Variants in SNX7 observed in about 807,000 individuals in gnomAD.
SNX7 encodes sorting nexin-7.
Under a neutral mutation model 48.4 loss-of-function variants are expected in SNX7, and 35 were observed. The observed-to-expected ratio is 0.72, with a 90% CI of 0.55 to 0.96. The LOEUF is 0.96. Among genes scored for constraint, SNX7 ranks in the 40% least tolerant of loss-of-function variants. The pLI is 0.00. For missense variants in SNX7, 553 were observed against 548.9 expected, an observed-to-expected ratio of 1.01 and a Z score of -0.07; for synonymous variants, 190 against 190.2, an observed-to-expected ratio of 1.00 and a Z score of 0.01.
chr1:98,715,765 T>C (rs1364387554), intron 7 of SNX7, among the ~76,000 whole-genome samples: 3 of 152,156 alleles, frequency 2.0e-5, no homozygotes, highest in Admixed American at 2.0e-4. Flanking sequence ...GAATCAGTTA[T>C]TTCTCTAATG....
rs1000782065 is a variant in SNX7 at position 98,689,934 on chromosome 1, C to A, written c.364-1141C>A. ...GTTTCTTAGATTTCTGCATTTCATT[C>A]GCTCCCACTTTTTCCCATTATAAAG... On this transcript the variant is annotated intron_variant, in intron 2 of 8. Transcript: ENST00000306121. Among the ~76,000 whole-genome samples the A allele has an allele frequency of 2.0e-5, 3 of 152,160 alleles. No homozygotes were observed. The East Asian group carries it at 5.8e-4, about 29-fold the overall frequency.
chr1:98,708,195 G>A (rs1258590455), intron 7 of SNX7, among the ~76,000 whole-genome samples: 2 of 151,966 alleles, frequency 1.3e-5, no homozygotes, highest in Non-Finnish European at 2.9e-5. Flanking sequence ...CTATGTGTCT[G>A]TCTCTCATGC....
intron 7 of SNX7, among the ~76,000 whole-genome samples, chr1:98,707,901 C>T (rs1004626248): frequency 6.6e-6 from 1 of 152,156 alleles, no homozygotes; most frequent in African/African-American, 2.4e-5. Flanking sequence ...TGGTGTTTTA[C>T]TCTCATCCTT....
chr1:98,683,038 G>A (rs1185287023), intron 1 of SNX7, among the ~76,000 whole-genome samples: 1 of 152,054 alleles, frequency 6.6e-6, no homozygotes, highest in Non-Finnish European at 1.5e-5. Flanking sequence ...GGTTGGTGGT[G>A]TTGCTGTTCT....
rs1200994596 is a variant in SNX7 at position 98,685,925 on chromosome 1, G to A, written c.363+858G>A. Among the ~76,000 whole-genome samples the A allele has an allele frequency of 5.3e-5, 8 of 152,140 alleles. No individual in the cohort carries two copies. In the South Asian group the frequency reaches 1.4e-3, roughly 28 times the overall value. On this transcript the variant is annotated intron_variant, in intron 2 of 8. Transcript: ENST00000306121. ...GGCAGAGCAAAGTGCCGACTTTCTT[G>A]TATGACATATAAAGAGGCTTCTCAG... is the stretch of plus-strand genomic sequence containing the variant.
chr1:98,726,180 C>G (rs543157016), intron 7 of SNX7, among the ~76,000 whole-genome samples: 1 of 152,122 alleles, frequency 6.6e-6, no homozygotes, highest in Non-Finnish European at 1.5e-5. Flanking sequence ...AGTTAGGACT[C>G]GAACCCACAG....
chr1:98,696,206 A>T (rs1651448758), intron 5 of SNX7, among the ~76,000 whole-genome samples: 1 of 150,356 alleles, frequency 6.7e-6, no homozygotes. Context: ...TTGTTGGTGA[A>T]TTTTTTTCTA....
chr1:98,692,838 A>G (rs963779891), intron 4 of SNX7, among the ~76,000 whole-genome samples: 63 of 152,298 alleles, frequency 4.1e-4, no homozygotes, highest in African/African-American at 1.5e-3. Context: ...ATATGTGCAT[A>G]CGTTTTGATA....
chr1:98,666,137 C>CA (rs1244156860), intron 1 of SNX7, among the ~76,000 whole-genome samples: 1 of 152,144 alleles, frequency 6.6e-6, no homozygotes, highest in African/African-American at 2.4e-5. Context: ...CTATATCAGT[C>CA]ATCACTCTGA....
intron 1 of SNX7, among the ~76,000 whole-genome samples, chr1:98,663,112 CCAGTTGGT>C (rs1459669385): frequency 1.3e-5 from 2 of 152,080 alleles, no homozygotes; most frequent in African/African-American, 4.8e-5. Flanking sequence ...CGACAGTTGG[CCAGTTGGT>C]TATTTACTTT....
chr1:98,695,243 G>A (rs1028717879), intron 4 of SNX7, among the ~76,000 whole-genome samples: 9 of 151,890 alleles, frequency 5.9e-5, no homozygotes, highest in Non-Finnish European at 7.4e-5. Flanking sequence ...CTATTCTGTC[G>A]GTTAAACCCT....
chr1:98,756,422 G>GTTTTTTTTTTTTTTTTTTTTTTTTTTTT (rs35117249), intron 8 of SNX7, among the ~76,000 whole-genome samples: 2 of 54,692 alleles, frequency 3.7e-5, no homozygotes, highest in Admixed American at 3.3e-4. Flanking sequence ...TGCCAGATGA[G>GTTTTTTTTTTTTTTTTTTTTTTTTTTTT]TTTTTTTTTT....
At chr1:98,697,762 T>C (rs1020754257) in intron 5 of SNX7, among the ~76,000 whole-genome samples, 5 of 152,106 alleles carry the variant, frequency 3.3e-5, no homozygotes. Context: ...GATAATGCTT[T>C]AATAGAAGTA....
In SNX7 at chr1:98,685,049, G is replaced by A. The variant is rs138647550; in HGVS notation, c.345G>A (p.Thr115=). 2.5e-4 allele frequency: 389 copies of A among 1,535,382 alleles called. No homozygotes were observed. Among genetic ancestry groups the A allele is most frequent in the Non-Finnish European group, 3.2e-4 (362 of 1,135,108 alleles). The change falls in exon 2 of 9, where the codon ACG becomes ACA. Residue 115 remains threonine, a synonymous_variant. Transcript: ENST00000306121. Reference sequence around the variant, plus strand: ...TTACTACAATAGAAACTTTCATTACGTATAGGATTATTACTAAGGTAAACA... The same window carrying A: ...TTACTACAATAGAAACTTTCATTACATATAGGATTATTACTAAGGTAAACA... ...SHVTTIETFI[T]YRIITKTSRG...
At chr1:98,734,322 A>G (rs1653667561) in intron 7 of SNX7, among the ~76,000 whole-genome samples, 1 of 152,010 alleles carries the variant, frequency 6.6e-6, no homozygotes, top group Admixed American at 6.6e-5. Flanking sequence ...ACTTTTGTGT[A>G]TCTGTATCTA....
chr1:98,701,435 C>T (rs887142624), intron 6 of SNX7, among the ~76,000 whole-genome samples: 7 of 151,504 alleles, frequency 4.6e-5, no homozygotes, highest in Non-Finnish European at 1.0e-4. Flanking sequence ...ACATCCCACC[C>T]ATAACTAGTT....
intron 7 of SNX7, among the ~76,000 whole-genome samples, chr1:98,722,029 T>C (rs1652902694): frequency 1.3e-5 from 2 of 152,122 alleles, no homozygotes; most frequent in African/African-American, 2.4e-5. Context: ...AATGTGGCCC[T>C]TTAAATAATT....
chr1:98,685,430 A>G (rs1650740469), intron 2 of SNX7, among the ~76,000 whole-genome samples: 1 of 152,188 alleles, frequency 6.6e-6, no homozygotes, highest in South Asian at 2.1e-4. Flanking sequence ...TTATGTATTC[A>G]GATTTCTTTG....
At chr1:98,736,842 G>A (rs763673536) in intron 7 of SNX7, among the ~76,000 whole-genome samples, 5 of 152,130 alleles carry the variant, frequency 3.3e-5, no homozygotes, top group Non-Finnish European at 5.9e-5. Flanking sequence ...TTACATTTTA[G>A]CATCTTGAAA....
Sources: gnomAD v4.1 joint callset for allele counts (sites outside exome capture counted in the v4.1 genomes callset) on GRCh38, gnomAD v4.1.1 for gene constraint, MANE v1.5 for transcripts, NCBI Gene and HGNC (gene_info 2026-07-23, HGNC 2026-07-21) for gene names.